The following PRDM11 variants were observed in gnomAD, a reference collection of about 807,000 sequenced individuals.
PRDM11 encodes PR/SET domain 11.
PRDM11 carries 20 observed loss-of-function variants against 97.8 expected under a neutral mutation model. The observed-to-expected ratio is 0.20, with a 90% confidence interval of 0.14 to 0.30. PRDM11 has a LOEUF of 0.30. Among genes scored for constraint, PRDM11 ranks in the 10% least tolerant of loss-of-function variants. The pLI is 1.00. For synonymous variants in PRDM11, 599 were observed against 637.7 expected (o/e 0.94, Z 0.91); for missense variants, 1,139 against 1,555.2 (o/e 0.73, Z 4.50).
In PRDM11 at chr11:45,181,886, G is replaced by A; in HGVS notation, c.119+1G>A. 1 of 1,611,416 alleles carries A rather than the reference G, an allele frequency of 6.2e-7. No homozygotes were observed. The highest frequency in any genetic ancestry group is 8.5e-7 in the Non-Finnish European group (1 of 1,178,948). On this transcript the variant is annotated splice_donor_variant, in intron 2 of 7. Transcript: ENST00000683152. LOFTEE classifies it high-confidence loss of function. ...GAGACCAGGAGTATGGCCAGCCCTG[G>A]TGAGGCCCCTGTGTGGGAACTGGAG...
intron 1 of PRDM11, among the ~76,000 whole-genome samples, chr11:45,140,472 C>T (rs1179508743): frequency 6.6e-6 from 1 of 152,170 alleles, no homozygotes; most frequent in African/African-American, 2.4e-5. Context: ...AAGAATATTC[C>T]CCTATGGTGG....
At chr11:45,113,829 G>GTT (rs112384308) in intron 1 of PRDM11, among the ~76,000 whole-genome samples, 28 of 124,134 alleles carry the variant, frequency 2.3e-4, no homozygotes, top group African/African-American at 7.4e-4. Context: ...TGTGTGTTTT[G>GTT]TTTTTTTTTT....
chr11:45,114,699 A>G (rs1405233937), intron 1 of PRDM11, among the ~76,000 whole-genome samples: 1 of 152,124 alleles, frequency 6.6e-6, no homozygotes, highest in Non-Finnish European at 1.5e-5. Flanking sequence ...AACCAAAACA[A>G]CCAAACACAC....
upstream of PRDM11, among the ~76,000 whole-genome samples, chr11:45,094,750 A>AT (rs138801664): frequency 1 from 117,437 of 117,950 alleles, 58,464 homozygotes; most frequent in Admixed American, 1. Flanking sequence ...GAGGGAAGGA[A>AT]TGAAGAAAGG....
At chr11:45,162,401 T>A (rs1280466723) in intron 1 of PRDM11, among the ~76,000 whole-genome samples, 1 of 151,992 alleles carries the variant, frequency 6.6e-6, no homozygotes, top group Non-Finnish European at 1.5e-5. Flanking sequence ...TCTGAGCTAG[T>A]GGATGCAGAA....
rs1259283840 is a variant in PRDM11 at position 45,167,307 on chromosome 11, AACAC to A, written c.-6-14448_-6-14445del. On this transcript the variant is annotated intron_variant, in intron 1 of 7. Transcript: ENST00000683152. ...CTAATGACACACACGTGCACACATA[AACAC>A]ACACATACACACTATCACAATCATG... Among the ~76,000 whole-genome samples, 5 of 152,266 alleles carry A rather than the reference AACAC, an allele frequency of 3.3e-5. No homozygotes were observed. In the South Asian group the frequency reaches 8.3e-4, roughly 25 times the overall value.
At chr11:45,182,212 C>A in intron 2 of PRDM11, 34 bp from the exon 3 acceptor site, 1 of 1,591,438 alleles carries the variant, frequency 6.3e-7, no homozygotes, top group African/African-American at 1.3e-5. Context: ...CTGATGACTT[C>A]TTTGCTTTCT....
chr11:45,164,038 A>G (rs1851998873), intron 1 of PRDM11, among the ~76,000 whole-genome samples: 1 of 152,168 alleles, frequency 6.6e-6, no homozygotes. Flanking sequence ...TGGCTTTGCC[A>G]CTTACCCTTG....
At chr11:45,145,908 G>C (rs1004895423), upstream of PRDM11, among the ~76,000 whole-genome samples, 1 of 151,980 alleles carries the variant, frequency 6.6e-6, no homozygotes, top group African/African-American at 2.4e-5. Context: ...CTGTGATGTC[G>C]AATCCCATTT....
chr11:45,097,460 T>G (rs984954948), intron 1 of PRDM11, among the ~76,000 whole-genome samples: 3 of 152,202 alleles, frequency 2.0e-5, no homozygotes, highest in African/African-American at 7.2e-5. Context: ...ACCACAATCC[T>G]GTGGGAAAGC....
intron 1 of PRDM11, among the ~76,000 whole-genome samples, chr11:45,163,084 C>T (rs891704356): frequency 2.7e-4 from 41 of 152,126 alleles, no homozygotes; most frequent in African/African-American, 9.9e-4. Flanking sequence ...GGTACTGCTC[C>T]CAGCTGTCCA....
chr11:45,211,616 T>C (rs191223625), intron 5 of PRDM11, among the ~76,000 whole-genome samples: 70 of 152,320 alleles, frequency 4.6e-4, no homozygotes, highest in African/African-American at 1.6e-3. Flanking sequence ...GAGGTGGCTC[T>C]CCTGCTCTGC....
intron 4 of PRDM11, among the ~76,000 whole-genome samples, chr11:45,203,846 C>T (rs535219059): frequency 2.0e-5 from 3 of 151,922 alleles, no homozygotes; most frequent in East Asian, 3.9e-4. Flanking sequence ...AGAAAATGGC[C>T]GAGAAGCTGT....
Position 45,101,566 on chromosome 11 carries a change from A to AG in PRDM11, c.96+5665_96+5666insG, listed in dbSNP as rs1364342003. ...GCAACACTCTGTCTCAAAAAAAAAAAAAAGAAGAAGAAGAAGAAGAAGAAG... is the reference window on the plus strand; with the variant it reads ...GCAACACTCTGTCTCAAAAAAAAAAAGAAAGAAGAAGAAGAAGAAGAAGAAG... On this transcript the variant is annotated intron_variant, in intron 1 of 6. Transcript: ENST00000530656. 3.0e-3 allele frequency among the ~76,000 whole-genome samples: 422 copies of AG among 142,634 alleles called. 34 individuals carry two copies. The highest frequency in any genetic ancestry group is 0.01 in the African/African-American group (390 of 37,818). The allele number at this position is 142,634 out of a possible 152,430, so 93.6% of individuals were successfully genotyped here.
At chr11:45,131,777 G>T (rs1852726716) in intron 1 of PRDM11, among the ~76,000 whole-genome samples, 1 of 152,184 alleles carries the variant, frequency 6.6e-6, no homozygotes, top group Non-Finnish European at 1.5e-5. Flanking sequence ...GCTTTTAGCT[G>T]CAAATAATGA....
chr11:45,120,416 G>A (rs925254347), intron 1 of PRDM11, among the ~76,000 whole-genome samples: 6 of 152,190 alleles, frequency 3.9e-5, no homozygotes, highest in Admixed American at 3.3e-4. Context: ...ACCACATGCA[G>A]GCTCATAATA....
At chr11:45,198,558 G>C (rs918287749) in intron 4 of PRDM11, among the ~76,000 whole-genome samples, 1 of 152,206 alleles carries the variant, frequency 6.6e-6, no homozygotes, top group Non-Finnish European at 1.5e-5. Context: ...AAACAAATCA[G>C]GTTTTTGAAA....
chr11:45,213,500 G>A (rs746791350), intron 5 of PRDM11: 16 of 456,262 alleles, frequency 3.5e-5, no homozygotes, highest in African/African-American at 6.0e-5. Flanking sequence ...CTTCAGGGAG[G>A]GGTCTACCCT....
At chr11:45,120,065 GA>G (rs1852396387) in intron 1 of PRDM11, among the ~76,000 whole-genome samples, 1 of 152,206 alleles carries the variant, frequency 6.6e-6, no homozygotes, top group Non-Finnish European at 1.5e-5. Flanking sequence ...GGCCATTCTA[GA>G]ATTGAAAATA....
Sources: gnomAD v4.1 joint callset for allele counts (sites outside exome capture counted in the v4.1 genomes callset) on GRCh38, gnomAD v4.1.1 for gene constraint, MANE v1.5 for transcripts, NCBI Gene and HGNC (gene_info 2026-07-23, HGNC 2026-07-21) for gene names.